Variants in PITPNM3 observed in about 807,000 individuals in gnomAD.
PITPNM3 encodes the protein membrane-associated phosphatidylinositol transfer protein 3.
Under a neutral mutation model 102.0 loss-of-function variants are expected in PITPNM3, and 26 were observed. That is an observed-to-expected ratio of 0.25 (90% CI 0.19 to 0.35). The LOEUF (loss-of-function observed/expected upper bound fraction) is 0.35. PITPNM3 is among the 10% of genes least tolerant of loss of function. The pLI, the probability that PITPNM3 is intolerant of heterozygous loss-of-function variation, is 1.00. For missense variants in PITPNM3, 1,083 were observed against 1,346.1 expected (o/e 0.80, Z 3.06); for synonymous variants, 578 against 558.6 (o/e 1.03, Z -0.49).
chr17:6,474,532 GCT>G lies in PITPNM3; in HGVS notation c.1156_1157del (p.Ser386ProfsTer5). On this transcript the variant is annotated frameshift_variant, in exon 10 of 20. Coordinates refer to ENST00000262483, the MANE Select transcript of PITPNM3 (RefSeq NM_031220.4). LOFTEE classifies it high-confidence loss of function. ...ACACATCGAAGTCAAAGCGGCCCAG[GCT>G]GACCTCAGGGAGCTGCGGCCCCCCA... ...AAGGPQLPEV[S>X]LGRFDFDVSD... 1 of 1,610,994 alleles carries G rather than the reference GCT, an allele frequency of 6.2e-7. No homozygotes were observed. Among genetic ancestry groups the G allele is most frequent in the Non-Finnish European group, 8.5e-7 (1 of 1,178,938 alleles).
intron 4 of PITPNM3, among the ~76,000 whole-genome samples, chr17:6,493,061 A>G (rs1187210232): frequency 6.6e-6 from 1 of 152,138 alleles, no homozygotes; most frequent in Admixed American, 6.5e-5. Flanking sequence ...CACATGACCA[A>G]GAGTAGGTCA....
chr17:6,534,797 G>T (rs1284904074), intron 2 of PITPNM3, among the ~76,000 whole-genome samples: 3 of 152,160 alleles, frequency 2.0e-5, no homozygotes, highest in African/African-American at 7.2e-5. Context: ...GGGCAGGGGT[G>T]GGGGATCACG....
chr17:6,530,019 C>T (rs572210678), intron 2 of PITPNM3, among the ~76,000 whole-genome samples: 4 of 152,320 alleles, frequency 2.6e-5, no homozygotes, highest in Middle Eastern at 3.4e-3. Flanking sequence ...GGAATAATCA[C>T]GCAGCTTCCC....
At chr17:6,552,789 C>T (rs1371795463) in intron 1 of PITPNM3, among the ~76,000 whole-genome samples, 7 of 108,212 alleles carry the variant, frequency 6.5e-5, no homozygotes, top group African/African-American at 1.8e-4. Context: ...TTTTTTGAGA[C>T]GGAGTCTCGC....
chr17:6,555,597 C>T (rs886833634), intron 1 of PITPNM3, among the ~76,000 whole-genome samples: 4 of 152,240 alleles, frequency 2.6e-5, no homozygotes, highest in African/African-American at 9.7e-5. Flanking sequence ...CGATGAGTCA[C>T]GGGCCTGGGT....
At chr17:6,528,542 A>T (rs1373676826) in intron 2 of PITPNM3, among the ~76,000 whole-genome samples, 5 of 142,096 alleles carry the variant, frequency 3.5e-5, no homozygotes, top group Non-Finnish European at 7.8e-5. Flanking sequence ...CATGCAAGTG[A>T]GTGTGTACAT....
chr17:6,543,290 T>G (rs1316113798), intron 1 of PITPNM3, among the ~76,000 whole-genome samples: 1 of 152,152 alleles, frequency 6.6e-6, no homozygotes, highest in Non-Finnish European at 1.5e-5. Context: ...CCAAAGACTC[T>G]GCTCAGATCG....
intron 17 of PITPNM3, 25 bp downstream of exon 17, chr17:6,463,707 A>T (rs1235825375): frequency 2.5e-6 from 4 of 1,608,838 alleles, no homozygotes; most frequent in Non-Finnish European, 3.4e-6. Flanking sequence ...AGGGAGATAT[A>T]GCCCTCGTGG....
At position 6,464,264 on chromosome 17, in the gene PITPNM3, T is replaced by G; in HGVS notation, c.2062A>C (p.Thr688Pro). The change falls in exon 16 of 20, where the codon ACA becomes CCA. Residue 688 changes from threonine to proline, a missense_variant. Thr to Pro is a conservative substitution (Grantham distance 38). Transcript: ENST00000262483. ...CGACCACTGCTGTTGGTGATCTCTG[T>G]GTCCAGGTGTACCCAGCGGCCTGAG... ...PSSGRWVHLD[T>P]EITNSSGRIT... 1 of 1,614,178 alleles carries G rather than the reference T, an allele frequency of 6.2e-7. No homozygotes were observed. The highest frequency in any genetic ancestry group is 8.5e-7 in the Non-Finnish European group (1 of 1,180,020).
Position 6,468,344 on chromosome 17 carries a change from A to T in PITPNM3, c.1774-3T>A. 6.2e-7 allele frequency: 1 copy of T among 1,613,982 alleles called. No individual in the cohort carries two copies. Among genetic ancestry groups the T allele is most frequent in the African/African-American group, 1.3e-5 (1 of 75,036 alleles). On this transcript the variant is annotated splice_polypyrimidine_tract_variant and splice_region_variant and intron_variant, in intron 13 of 19. Coordinates refer to ENST00000262483, the MANE Select transcript of PITPNM3 (RefSeq NM_031220.4). The surrounding 1 kb of genome is among the most constrained non-coding windows in gnomAD (Gnocchi z 5.2). ...TTCACGCTCTCATAGCGCATTACCTAGCCAAGAGCCGAGCAGGGCCCCGGT... is the reference window on the plus strand; with the variant it reads ...TTCACGCTCTCATAGCGCATTACCTTGCCAAGAGCCGAGCAGGGCCCCGGT...
chr17:6,461,266 A>T, intron 18 of PITPNM3, 107 bp downstream of exon 18: 1 of 1,343,024 alleles, frequency 7.4e-7, no homozygotes. Flanking sequence ...TGGGATTTAC[A>T]GACTGCACAT....
chr17:6,497,353 T>C (rs1906893371), intron 4 of PITPNM3, among the ~76,000 whole-genome samples: 3 of 152,174 alleles, frequency 2.0e-5, no homozygotes, highest in Admixed American at 2.0e-4. Context: ...TCAAACCACA[T>C]GCCCACGATG....
intron 4 of PITPNM3, among the ~76,000 whole-genome samples, chr17:6,491,080 G>A (rs1411660313): frequency 1.3e-5 from 1 of 78,820 alleles, no homozygotes; most frequent in Non-Finnish European, 2.5e-5. Context: ...GGGAGGAAAG[G>A]GGAGGGGAAG....
intron 2 of PITPNM3, among the ~76,000 whole-genome samples, chr17:6,529,266 T>C (rs776257254): frequency 1.3e-5 from 2 of 152,160 alleles, no homozygotes; most frequent in Non-Finnish European, 2.9e-5. Flanking sequence ...CTGGAGCTTC[T>C]GTTTCTACTG....
intron 1 of PITPNM3, among the ~76,000 whole-genome samples, chr17:6,538,514 C>T (rs1440783849): frequency 1.3e-5 from 2 of 152,200 alleles, no homozygotes; most frequent in Non-Finnish European, 2.9e-5. Flanking sequence ...CACCACCTTA[C>T]GATGTCACCA....
chr17:6,459,451 A>G lies in PITPNM3; in HGVS notation c.2491-1729T>C, dbSNP rs949924531. Among the ~76,000 whole-genome samples, 2 of 150,644 alleles carry G rather than the reference A, an allele frequency of 1.3e-5. No individual in the cohort carries two copies. The highest frequency in any genetic ancestry group is 2.1e-4 in the South Asian group (1 of 4,708). On this transcript the variant is annotated intron_variant, in intron 18 of 19. Transcript: ENST00000262483. This position sits in a 1 kb window ranked among gnomAD's most constrained non-coding sequence, Gnocchi z 5.0. Reference sequence around the variant, plus strand: ...CCAGCACAGCCTCTTCTAACGCCTCATCTCCCGTCTCATGGCTCCACTGAT... The same window carrying G: ...CCAGCACAGCCTCTTCTAACGCCTCGTCTCCCGTCTCATGGCTCCACTGAT...
intron 1 of PITPNM3, among the ~76,000 whole-genome samples, chr17:6,546,504 G>T (rs1035960172): frequency 2.0e-5 from 3 of 152,204 alleles, no homozygotes; most frequent in African/African-American, 7.2e-5. Flanking sequence ...TTTCAGTTTG[G>T]CCATAGACCG....
At chr17:6,545,121 C>T (rs1050279802) in intron 1 of PITPNM3, among the ~76,000 whole-genome samples, 1 of 152,180 alleles carries the variant, frequency 6.6e-6, no homozygotes, top group Admixed American at 6.5e-5. Context: ...CGTGATCTTA[C>T]TAAATGACAG....
chr17:6,512,145 T>C (rs1907902535), intron 3 of PITPNM3, among the ~76,000 whole-genome samples: 1 of 152,022 alleles, frequency 6.6e-6, no homozygotes, highest in South Asian at 2.1e-4. Context: ...AAAGGATGAG[T>C]GTTTGAAGGA....
Sources: gnomAD v4.1 joint callset for allele counts (sites outside exome capture counted in the v4.1 genomes callset) on GRCh38, gnomAD v4.1.1 for gene constraint, Gnocchi (gnomAD v3.1) non-coding constraint, MANE v1.5 for transcripts, NCBI Gene and HGNC (gene_info 2026-07-23, HGNC 2026-07-21) for gene names.